The following TCF4 variants were observed in gnomAD, a reference collection of about 807,000 sequenced individuals.
The protein encoded by TCF4 is SL3-3 enhancer factor 2.
TCF4 carries 3 observed loss-of-function variants against 82.1 expected under a neutral mutation model. The observed-to-expected ratio is 0.04, with a 90% CI of 0.02 to 0.09. TCF4 has a LOEUF of 0.09. Ranked by LOEUF, TCF4 falls within the 10% of genes least tolerant of loss-of-function variation. The probability of loss-of-function intolerance (pLI) is 1.00; values close to 1 mark genes in which losing one functional copy is unlikely to be tolerated. For missense variants in TCF4, 518 were observed against 852.7 expected (o/e 0.61, Z 4.89); for synonymous variants, 276 against 309.6 (o/e 0.89, Z 1.14).
chr18:55,569,298 A>G (rs1028021721), intron 3 of TCF4, among the ~76,000 whole-genome samples: 1 of 152,154 alleles, frequency 6.6e-6, no homozygotes, highest in Admixed American at 6.5e-5. Context: ...ACAGATCTAC[A>G]GAAAAAACTC....
chr18:55,429,186 GA>G (rs1569463013), intron 5 of TCF4, among the ~76,000 whole-genome samples: 1 of 152,140 alleles, frequency 6.6e-6, no homozygotes, highest in African/African-American at 2.4e-5. Context: ...TGTCTAAAGT[GA>G]AAAAAACCTC....
intron 4 of TCF4, 84 bp downstream of exon 4, chr18:55,463,992 G>C: frequency 1.6e-6 from 2 of 1,255,364 alleles, no homozygotes; most frequent in African/African-American, 1.5e-5. Context: ...GAGAGAGAGA[G>C]AGAGAGAGAG....
intron 3 of TCF4, among the ~76,000 whole-genome samples, chr18:55,468,829 G>GT (rs1319181816): frequency 1.3e-5 from 2 of 150,924 alleles, no homozygotes; most frequent in Non-Finnish European, 2.9e-5. Context: ...AGGCAACATA[G>GT]TGACAAATGA....
intron 5 of TCF4, among the ~76,000 whole-genome samples, chr18:55,436,288 A>G (rs2095327844): frequency 6.6e-6 from 1 of 152,238 alleles, no homozygotes; most frequent in Admixed American, 6.5e-5. Flanking sequence ...AAATAATTTT[A>G]TATGATTAAT....
intron 2 of TCF4, chr18:55,631,285 G>C: frequency 7.9e-7 from 1 of 1,266,836 alleles, no homozygotes; most frequent in South Asian, 1.3e-5. Flanking sequence ...CTGACCTCAG[G>C]TGATCCACCT....
At chr18:55,270,099 T>A in intron 10 of TCF4, 136 bp from the exon 11 acceptor site, 1 of 1,137,394 alleles carries the variant, frequency 8.8e-7, no homozygotes, top group Non-Finnish European at 1.3e-6. Flanking sequence ...CAAGAATATA[T>A]CTTGTTTAGA....
At chr18:55,634,121 T>C (rs1409721950) in intron 1 of TCF4, among the ~76,000 whole-genome samples, 2 of 151,810 alleles carry the variant, frequency 1.3e-5, no homozygotes, top group Non-Finnish European at 2.9e-5. Context: ...ATACAAAAAT[T>C]AGCCACGCGT....
intron 6 of TCF4, among the ~76,000 whole-genome samples, chr18:55,388,710 C>T (rs1420058257): frequency 6.6e-6 from 1 of 152,138 alleles, no homozygotes; most frequent in East Asian, 1.9e-4. Context: ...AAAGAAGTGA[C>T]AAAGAAAATG....
At chr18:55,327,026 T>G (rs996698947) in intron 8 of TCF4, among the ~76,000 whole-genome samples, 2 of 152,124 alleles carry the variant, frequency 1.3e-5, no homozygotes, top group African/African-American at 4.8e-5. Context: ...TTTATTCTGA[T>G]GACAATAACT....
At chr18:55,535,417 C>T (rs1370268179) in intron 3 of TCF4, among the ~76,000 whole-genome samples, 1 of 152,122 alleles carries the variant, frequency 6.6e-6, no homozygotes, top group Non-Finnish European at 1.5e-5. Context: ...TAAGTATAAA[C>T]AGCAGTAATG....
At chr18:55,391,400 T>C (rs989936794) in intron 6 of TCF4, among the ~76,000 whole-genome samples, 11 of 152,180 alleles carry the variant, frequency 7.2e-5, no homozygotes, top group African/African-American at 2.7e-4. Context: ...ATGACAAAAC[T>C]GAAACCCTTC....
intron 11 of TCF4, 61 bp from the exon 12 acceptor site, chr18:55,261,594 T>C: frequency 6.4e-7 from 1 of 1,570,050 alleles, no homozygotes. Flanking sequence ...AATTTTCTAT[T>C]CCTGGTCCAT....
At chr18:55,438,676 T>G (rs1209142963) in intron 5 of TCF4, among the ~76,000 whole-genome samples, 1 of 152,144 alleles carries the variant, frequency 6.6e-6, no homozygotes, top group Non-Finnish European at 1.5e-5. Flanking sequence ...ACCAGAAGAC[T>G]TTTGGCCATG....
At chr18:55,396,894 G>GA (rs1160667442) in intron 6 of TCF4, among the ~76,000 whole-genome samples, 4 of 152,206 alleles carry the variant, frequency 2.6e-5, no homozygotes, top group Admixed American at 2.6e-4. Context: ...AATGAATGAT[G>GA]AAAGAAACTG....
Position 55,402,283 on chromosome 18 carries a change from C to T in TCF4, c.369+1171G>A, listed in dbSNP as rs1028636969. On this transcript the variant is annotated intron_variant, in intron 6 of 19. Transcript: ENST00000354452. ...TACAGGGAAAAAACAAACACACCAA[C>T]CCACCAGAAGTCGTACCTTCCTATG... 73 of 954,762 alleles carry T rather than the reference C, an allele frequency of 7.6e-5. No homozygotes were observed. In the African/African-American group the frequency reaches 1.2e-3, roughly 16 times the overall value. The allele number at this position is 954,762 out of a possible 1,614,324, so 59.1% of individuals were successfully genotyped here.
intron 8 of TCF4, among the ~76,000 whole-genome samples, chr18:55,306,679 G>A (rs2070459558): frequency 6.6e-6 from 1 of 152,086 alleles, no homozygotes; most frequent in East Asian, 1.9e-4. Flanking sequence ...CGTTTTCAAG[G>A]GTATTTGTTA....
chr18:55,622,024 C>G (rs1213800072), intron 2 of TCF4, among the ~76,000 whole-genome samples: 1 of 131,382 alleles, frequency 7.6e-6, no homozygotes, highest in Non-Finnish European at 1.5e-5. Flanking sequence ...ATTATATACA[C>G]TATATATTAT....
chr18:55,347,226 G>A (rs549488656), intron 8 of TCF4, among the ~76,000 whole-genome samples: 2 of 152,176 alleles, frequency 1.3e-5, no homozygotes, highest in East Asian at 1.9e-4. Flanking sequence ...AAATTGGGAC[G>A]TGACTAAAAA....
At position 55,631,345 on chromosome 18, in the gene TCF4, G is replaced by A. The variant is rs918143909; in HGVS notation, c.239C>T (p.Thr80Met). 4.2e-5 allele frequency: 65 copies of A among 1,547,784 alleles called. No individual in the cohort carries two copies. The highest frequency in any genetic ancestry group is 6.0e-5 in the South Asian group (5 of 83,886). ...ATTACAGGTGTGAGCCACCATGCCC[G>A]TCCAAGAGATAATGTTCTTAGATTG... Residue 80 changes from threonine to methionine, a missense_variant, in exon 2 of 21, where the codon ACG (threonine) becomes ATG (methionine). By Grantham distance (81) the Thr-to-Met change is moderately conservative. Coordinates refer to the TCF4 transcript ENST00000398339.
Sources: allele counts gnomAD v4.1 joint callset (sites outside exome capture counted in the v4.1 genomes callset), GRCh38; gene constraint gnomAD v4.1.1; transcripts MANE v1.5; gene names NCBI Gene and HGNC (gene_info 2026-07-23, HGNC 2026-07-21).